Variants in PDE10A observed in about 807,000 individuals in gnomAD.
PDE10A encodes cAMP and cAMP-inhibited cGMP 3',5'-cyclic phosphodiesterase 10A.
Under a neutral mutation model 97.7 loss-of-function variants are expected in PDE10A, and 39 were observed. That is an observed-to-expected ratio of 0.40 (90% CI 0.31 to 0.52). The LOEUF (loss-of-function observed/expected upper bound fraction) is 0.52, where lower values mean the gene tolerates loss of function less well. Ranked by LOEUF, PDE10A falls within the 20% of genes least tolerant of loss-of-function variation. The pLI, the probability that PDE10A is intolerant of heterozygous loss-of-function variation, is 0.56. For synonymous variants in PDE10A, 371 were observed against 376.8 expected (o/e 0.98, Z 0.18); for missense variants, 731 against 1,047.8 (o/e 0.70, Z 4.17).
chr6:165,471,239 C>A (rs1269334616), intron 3 of PDE10A, among the ~76,000 whole-genome samples: 1 of 152,084 alleles, frequency 6.6e-6, no homozygotes, highest in African/African-American at 2.4e-5. Flanking sequence ...TCTCTTTCCA[C>A]CTCTTGTGTT....
intron 18 of PDE10A, among the ~76,000 whole-genome samples, chr6:165,353,726 G>T (rs117309346): frequency 1.2e-3 from 183 of 152,240 alleles, no homozygotes; most frequent in Non-Finnish European, 2.3e-3. Flanking sequence ...CAGGAGTTGC[G>T]GAGAGTGAGG....
At chr6:165,386,831 G>A (rs58467288) in intron 17 of PDE10A, among the ~76,000 whole-genome samples, 1 of 145,710 alleles carries the variant, frequency 6.9e-6, no homozygotes, top group African/African-American at 2.5e-5. Flanking sequence ...TGAAACCCCA[G>A]CTCTACTAAA....
chr6:165,414,424 C>G (rs915730099), intron 12 of PDE10A, among the ~76,000 whole-genome samples: 2 of 152,336 alleles, frequency 1.3e-5, no homozygotes, highest in Non-Finnish European at 2.9e-5. Context: ...ACATGGGAGT[C>G]TTCAGAGCCT....
intron 1 of PDE10A, among the ~76,000 whole-genome samples, chr6:165,677,213 A>G (rs1244360150): frequency 1.3e-5 from 2 of 152,206 alleles, no homozygotes; most frequent in Non-Finnish European, 2.9e-5. Context: ...CGATCAGTGG[A>G]CGACTTCAAG....
At chr6:165,726,380 T>G (rs1792294474) in intron 1 of PDE10A, among the ~76,000 whole-genome samples, 1 of 152,190 alleles carries the variant, frequency 6.6e-6, no homozygotes. Flanking sequence ...GGAAAAGAAT[T>G]ATCCTCAACA....
intron 1 of PDE10A, among the ~76,000 whole-genome samples, chr6:165,594,072 C>T (rs956241518): frequency 1.3e-5 from 2 of 152,178 alleles, no homozygotes; most frequent in Non-Finnish European, 2.9e-5. Context: ...AGCATTATAA[C>T]TCATCATTTA....
chr6:165,796,153 T>G (rs1458405142), intron 1 of PDE10A, among the ~76,000 whole-genome samples: 1 of 140,992 alleles, frequency 7.1e-6, no homozygotes, highest in Non-Finnish European at 1.5e-5. Context: ...CGGAGTGCAG[T>G]GCCGCAATCT....
At position 165,759,618 on chromosome 6, in the gene PDE10A, G is replaced by T. The variant is rs188986408; in HGVS notation, c.-614-216050C>A. On this transcript the variant is annotated intron_variant, in intron 1 of 19. Transcript: ENST00000366882. ...AAGGAATATTAAGGCTTAACACACTGCAGTGAATAACCTCATTGGTAGATT... is the reference window on the plus strand; with the variant it reads ...AAGGAATATTAAGGCTTAACACACTTCAGTGAATAACCTCATTGGTAGATT... Among the ~76,000 whole-genome samples, 327 of 152,306 alleles carry T rather than the reference G, an allele frequency of 2.1e-3. 3 individuals are homozygous for T. The highest frequency in any genetic ancestry group is 4.4e-4 in the Non-Finnish European group (30 of 68,030).
chr6:165,854,798 G>T (rs542120632), intron 1 of PDE10A, among the ~76,000 whole-genome samples: 2 of 152,284 alleles, frequency 1.3e-5, no homozygotes, highest in South Asian at 4.1e-4. Flanking sequence ...AGCGCAGGGC[G>T]CGCCAGGCAG....
At position 165,892,218 on chromosome 6, in the gene PDE10A, G is replaced by A. The variant is rs559399714; in HGVS notation, c.-615+95311C>T. On this transcript the variant is annotated intron_variant, in intron 1 of 19. Coordinates refer to the PDE10A transcript ENST00000366882. ...TGATGGAGGGAGATGGGAGTTGAAG[G>A]TGCAAAGCAGGAGCCTTCCTGGACC... Among the ~76,000 whole-genome samples the A allele has an allele frequency of 3.3e-5, 5 of 152,306 alleles. No individual in the cohort carries two copies. The East Asian group carries it at 9.7e-4, about 29-fold the overall frequency.
chr6:165,712,870 G>GA (rs969904002), intron 1 of PDE10A, among the ~76,000 whole-genome samples: 2 of 152,098 alleles, frequency 1.3e-5, no homozygotes, highest in African/African-American at 2.4e-5. Flanking sequence ...TCGATCTCCT[G>GA]ACCTCGTGAT....
intron 1 of PDE10A, among the ~76,000 whole-genome samples, chr6:165,755,138 A>G (rs570493776): frequency 9.8e-5 from 15 of 152,292 alleles, no homozygotes; most frequent in Admixed American, 9.8e-4. Context: ...CTCATAGAAA[A>G]CAGGGTGGAA....
intron 2 of PDE10A, among the ~76,000 whole-genome samples, chr6:165,530,710 T>A (rs947333688): frequency 6.6e-6 from 1 of 152,162 alleles, no homozygotes; most frequent in Admixed American, 6.6e-5. Context: ...TATAAAAAGT[T>A]TTTGCTTCAA....
intron 1 of PDE10A, among the ~76,000 whole-genome samples, chr6:165,658,211 T>C (rs1329554773): frequency 1.3e-5 from 2 of 152,234 alleles, no homozygotes; most frequent in Non-Finnish European, 2.9e-5. Flanking sequence ...TTTGTTCAAG[T>C]GTCGGCCACA....
At chr6:165,742,508 T>C (rs1257806410) in intron 1 of PDE10A, among the ~76,000 whole-genome samples, 1 of 152,110 alleles carries the variant, frequency 6.6e-6, no homozygotes, top group Non-Finnish European at 1.5e-5. Flanking sequence ...GCCCCATTAT[T>C]GAAGGCTCTA....
In PDE10A at chr6:165,944,655, T is replaced by A. The variant is rs978183780; in HGVS notation, c.-615+42874A>T. On this transcript the variant is annotated intron_variant, in intron 1 of 19. Coordinates refer to the PDE10A transcript ENST00000366882. The stretch of plus-strand genomic sequence containing the variant: ...CCCATTTTCCCATAAGCCCTGCAGT[T>A]TTTAACGTAGAAACACATACATTAC... 2.0e-5 allele frequency among the ~76,000 whole-genome samples: 3 copies of A among 152,192 alleles called. No homozygotes were observed. In the East Asian group the frequency reaches 5.8e-4, roughly 29 times the overall value.
At chr6:165,945,585 C>T (rs998473178) in intron 1 of PDE10A, among the ~76,000 whole-genome samples, 1 of 152,102 alleles carries the variant, frequency 6.6e-6, no homozygotes, top group African/African-American at 2.4e-5. Context: ...AAAAGAAACC[C>T]CGTTGAGCTT....
At chr6:165,862,074 G>A (rs545641139) in intron 1 of PDE10A, among the ~76,000 whole-genome samples, 6 of 152,240 alleles carry the variant, frequency 3.9e-5, no homozygotes, top group Admixed American at 2.6e-4. Context: ...GGACGCCTGC[G>A]CTCCCCTACT....
chr6:165,894,967 T>C (rs577874076), intron 1 of PDE10A, among the ~76,000 whole-genome samples: 3 of 152,272 alleles, frequency 2.0e-5, no homozygotes, highest in East Asian at 1.9e-4. Context: ...GAATCTGATG[T>C]CTGCATCTTC....
Sources: allele counts gnomAD v4.1 joint callset (sites outside exome capture counted in the v4.1 genomes callset), GRCh38; gene constraint gnomAD v4.1.1; transcripts MANE v1.5; gene names NCBI Gene and HGNC (gene_info 2026-07-23, HGNC 2026-07-21).